Variants in PLD5 observed in about 807,000 individuals in gnomAD.
PLD5 encodes the protein phospholipase D family member 5, also known as inactive phospholipase D5.
PLD5 carries 36 observed loss-of-function variants against 61.1 expected under a neutral mutation model. The observed-to-expected ratio is 0.59, with a 90% CI of 0.45 to 0.78. The LOEUF is 0.78. PLD5 is among the 30% of genes least tolerant of loss of function. The pLI, the probability that PLD5 is intolerant of heterozygous loss-of-function variation, is 0.00. For synonymous variants in PLD5, 243 were observed against 242.8 expected, an observed-to-expected ratio of 1.00 and a Z score of -0.01; for missense variants, 515 against 644.4, an observed-to-expected ratio of 0.80 and a Z score of 2.17.
intron 5 of PLD5, 22 bp from the exon 6 acceptor site, chr1:242,124,687 C>A (rs917872181): frequency 1.9e-6 from 3 of 1,582,082 alleles, no homozygotes; most frequent in Non-Finnish European, 1.7e-6. Context: ...AAATTGAAAG[C>A]ATCAATGCCA....
chr1:242,435,999 AT>A (rs934238074), intron 1 of PLD5, among the ~76,000 whole-genome samples: 2 of 152,174 alleles, frequency 1.3e-5, no homozygotes, highest in African/African-American at 4.8e-5. Flanking sequence ...TCCTCAAAAA[AT>A]ATCCGACAAC....
chr1:242,409,058 C>T (rs1664398498), intron 1 of PLD5, among the ~76,000 whole-genome samples: 1 of 137,860 alleles, frequency 7.3e-6, no homozygotes, highest in African/African-American at 2.9e-5. Flanking sequence ...AAGAGCAAGA[C>T]TCCTCTCAAA....
chr1:242,264,730 T>G (rs1330678138), intron 4 of PLD5, among the ~76,000 whole-genome samples: 1 of 152,076 alleles, frequency 6.6e-6, no homozygotes, highest in Non-Finnish European at 1.5e-5. Context: ...AGGGAACAAT[T>G]TTTACAAAAC....
chr1:242,524,002 G>C (rs1307437654), intron 1 of PLD5, 86 bp downstream of exon 1: 6 of 1,384,752 alleles, frequency 4.3e-6, no homozygotes, highest in African/African-American at 1.5e-5. Context: ...TGCCCCCCGC[G>C]CCCCGCGCGC....
intron 5 of PLD5, among the ~76,000 whole-genome samples, chr1:242,133,364 C>T (rs1663454101): frequency 6.6e-6 from 1 of 152,158 alleles, no homozygotes; most frequent in Non-Finnish European, 1.5e-5. Context: ...TATTTACACC[C>T]CAGAAAATTC....
chr1:242,227,409 G>A (rs1455922592), intron 4 of PLD5, among the ~76,000 whole-genome samples: 1 of 152,076 alleles, frequency 6.6e-6, no homozygotes, highest in African/African-American at 2.4e-5. Flanking sequence ...CTGTCACCCA[G>A]GCTGGGGTGC....
chr1:242,487,305 T>G (rs1667997209), intron 1 of PLD5, among the ~76,000 whole-genome samples: 2 of 152,104 alleles, frequency 1.3e-5, no homozygotes, highest in Non-Finnish European at 1.5e-5. Context: ...TAAAAAGTAA[T>G]AGACTCCACA....
At chr1:242,439,701 G>C (rs1185883146) in intron 1 of PLD5, among the ~76,000 whole-genome samples, 1 of 152,168 alleles carries the variant, frequency 6.6e-6, no homozygotes, top group African/African-American at 2.4e-5. Context: ...ACGGACTGCA[G>C]GTATAAACGA....
intron 3 of PLD5, among the ~76,000 whole-genome samples, chr1:242,279,530 T>C (rs1674600330): frequency 6.6e-6 from 1 of 151,518 alleles, no homozygotes; most frequent in South Asian, 2.1e-4. Context: ...TGTGTATTTT[T>C]CTGTCTCTCA....
At chr1:242,124,410 T>C (rs1662622094) in intron 6 of PLD5, 58 bp downstream of exon 6, 2 of 1,524,550 alleles carry the variant, frequency 1.3e-6, no homozygotes, top group Admixed American at 1.8e-5. Flanking sequence ...CATTCCAACT[T>C]AATAAAGAGC....
chr1:242,130,886 C>CT (rs146028214), intron 5 of PLD5, among the ~76,000 whole-genome samples: 27,379 of 151,544 alleles, frequency 0.18, 2,634 homozygotes, highest in Non-Finnish European at 0.19. Context: ...AGATCGATTT[C>CT]TTTTTTTTTA....
chr1:242,291,502 G>A (rs1440452501), intron 2 of PLD5, among the ~76,000 whole-genome samples: 1 of 151,954 alleles, frequency 6.6e-6, no homozygotes, highest in African/African-American at 2.4e-5. Context: ...GTGGGGAGCT[G>A]GGATCCATTC....
chr1:242,464,728 G>A (rs981834238), intron 1 of PLD5, among the ~76,000 whole-genome samples: 3 of 152,136 alleles, frequency 2.0e-5, no homozygotes, highest in African/African-American at 7.2e-5. Context: ...CCATCACCAT[G>A]GTCAGCAGTG....
intron 2 of PLD5, among the ~76,000 whole-genome samples, chr1:242,316,662 T>A (rs12137862): frequency 0.78 from 118,308 of 151,992 alleles, 46,937 homozygotes; most frequent in Middle Eastern, 0.86. Flanking sequence ...GTTTGCTACA[T>A]AGGTAAACTT....
chr1:242,287,445 C>G (rs571285907), intron 3 of PLD5, among the ~76,000 whole-genome samples: 29 of 152,232 alleles, frequency 1.9e-4, no homozygotes, highest in Non-Finnish European at 3.8e-4. Context: ...TAAACTCATT[C>G]CATTCTTCTT....
intron 5 of PLD5, among the ~76,000 whole-genome samples, chr1:242,184,122 T>C (rs1359944492): frequency 6.6e-6 from 1 of 152,176 alleles, no homozygotes; most frequent in Non-Finnish European, 1.5e-5. Flanking sequence ...GCAAAGTGCT[T>C]CATTTCTTGT....
chr1:242,315,064 A>G (rs1676927559), intron 2 of PLD5, among the ~76,000 whole-genome samples: 1 of 152,198 alleles, frequency 6.6e-6, no homozygotes, highest in African/African-American at 2.4e-5. Context: ...GTATTCTAAC[A>G]CACAGCCAGA....
In PLD5 at chr1:242,161,529, A is replaced by ATATT. The variant is rs149116169; in HGVS notation, c.736-36868_736-36865dup. On this transcript the variant is annotated intron_variant, in intron 5 of 9. Coordinates refer to ENST00000536534, the MANE Select transcript of PLD5 (RefSeq NM_001372062.1). ...ATGTATGTTTCTCTTTAAGTTTCCT[A>ATATT]TATTATAAAAATTAACATAATGTTT... Among the ~76,000 whole-genome samples, 644 of 152,254 alleles carry ATATT rather than the reference A, an allele frequency of 4.2e-3. 5 individuals are homozygous for ATATT. The highest frequency in any genetic ancestry group is 0.014 in the Middle Eastern group (4 of 294).
chr1:242,263,025 T>A (rs1673458194), intron 4 of PLD5, among the ~76,000 whole-genome samples: 1 of 152,100 alleles, frequency 6.6e-6, no homozygotes, highest in Non-Finnish European at 1.5e-5. Flanking sequence ...ATGGTTTATC[T>A]TTCTGACTTC....
Sources: gnomAD v4.1 joint callset for allele counts (sites outside exome capture counted in the v4.1 genomes callset) on GRCh38, gnomAD v4.1.1 for gene constraint, MANE v1.5 for transcripts, NCBI Gene and HGNC (gene_info 2026-07-23, HGNC 2026-07-21) for gene names.